The following DSCAM variants were observed in gnomAD, a reference collection of about 807,000 sequenced individuals.
The protein encoded by DSCAM is DS cell adhesion molecule, also known as cell adhesion molecule DSCAM.
In DSCAM, 47 loss-of-function variants were observed where a neutral mutation model predicts 217.7. The ratio of observed to expected loss-of-function variants is 0.22; its 90% CI spans 0.17 to 0.28. DSCAM has a LOEUF of 0.28. DSCAM is among the 10% of genes least tolerant of loss of function. DSCAM has a pLI of 1.00. For synonymous variants in DSCAM, 1,056 were observed against 1,015.3 expected (o/e 1.04, Z -0.76); for missense variants, 2,080 against 2,618.3 (o/e 0.79, Z 4.49).
intron 3 of DSCAM, among the ~76,000 whole-genome samples, chr21:40,575,710 T>C (rs8132632): frequency 0.038 from 5,735 of 151,940 alleles, 309 homozygotes; most frequent in African/African-American, 0.12. Context: ...AATAAATAGG[T>C]AGGCAGGCTA....
At chr21:40,780,194 G>A (rs1189068139) in intron 1 of DSCAM, among the ~76,000 whole-genome samples, 1 of 152,048 alleles carries the variant, frequency 6.6e-6, no homozygotes, top group Non-Finnish European at 1.5e-5. Context: ...TTGTGCTGAA[G>A]CACGTGTTCT....
chr21:40,663,545 C>G (rs79430939), intron 3 of DSCAM, among the ~76,000 whole-genome samples: 4,208 of 152,278 alleles, frequency 0.028, 169 homozygotes, highest in African/African-American at 0.088. Context: ...GGAGCCATCC[C>G]TCATGGGCAT....
chr21:40,767,899 C>T (rs973257474), intron 1 of DSCAM, among the ~76,000 whole-genome samples: 36 of 117,642 alleles, frequency 3.1e-4, no homozygotes, highest in African/African-American at 8.5e-4. Context: ...TCTCTCTCTC[C>T]CTGTGTGTGT....
intron 1 of DSCAM, among the ~76,000 whole-genome samples, chr21:40,779,708 C>A (rs977182243): frequency 1.3e-4 from 20 of 151,870 alleles, no homozygotes; most frequent in Non-Finnish European, 2.5e-4. Context: ...GTGAAGGACC[C>A]TTAGCCAGGA....
chr21:40,390,259 C>T (rs2075121949), intron 3 of DSCAM, among the ~76,000 whole-genome samples: 1 of 152,196 alleles, frequency 6.6e-6, no homozygotes, highest in African/African-American at 2.4e-5. Flanking sequence ...GACTCTTCTT[C>T]ACTGCACAGG....
chr21:40,725,979 C>T (rs35558724), intron 1 of DSCAM, among the ~76,000 whole-genome samples: 35,789 of 151,938 alleles, frequency 0.24, 5,664 homozygotes, highest in African/African-American at 0.46. Flanking sequence ...AAAGAACATA[C>T]GATATCCAGA....
chr21:40,027,430 C>T (rs1466226798), intron 32 of DSCAM, among the ~76,000 whole-genome samples: 4 of 151,218 alleles, frequency 2.6e-5, no homozygotes, highest in African/African-American at 4.8e-5. Flanking sequence ...GCCTGCCTTG[C>T]TAGATTGGGG....
At chr21:40,300,050 T>G (rs2837563) in intron 9 of DSCAM, among the ~76,000 whole-genome samples, 1 of 151,496 alleles carries the variant, frequency 6.6e-6, no homozygotes, top group African/African-American at 2.4e-5. Context: ...GCTTGCTTAT[T>G]AAAGAGAGGA....
intron 3 of DSCAM, among the ~76,000 whole-genome samples, chr21:40,488,536 G>A (rs34503918): frequency 5.3e-5 from 8 of 151,994 alleles, no homozygotes; most frequent in Non-Finnish European, 1.0e-4. Flanking sequence ...TGTCTCCGTG[G>A]GCACAGAGTG....
At chr21:40,609,275 C>T (rs1053835920) in intron 3 of DSCAM, among the ~76,000 whole-genome samples, 2 of 151,860 alleles carry the variant, frequency 1.3e-5, no homozygotes, top group African/African-American at 4.9e-5. Context: ...TTTTAAATCA[C>T]GATTTTGCCG....
At chr21:40,514,158 C>G (rs917670233) in intron 3 of DSCAM, among the ~76,000 whole-genome samples, 1 of 152,170 alleles carries the variant, frequency 6.6e-6, no homozygotes, top group Admixed American at 6.5e-5. Flanking sequence ...GAAACAGTGG[C>G]AAGTGCAAAG....
intron 3 of DSCAM, among the ~76,000 whole-genome samples, chr21:40,468,290 C>G (rs1401430650): frequency 6.6e-6 from 1 of 152,130 alleles, no homozygotes; most frequent in Non-Finnish European, 1.5e-5. Context: ...GACCTGTGTC[C>G]TGGGTGCACC....
chr21:40,152,838 C>T (rs769185033), intron 16 of DSCAM, among the ~76,000 whole-genome samples: 47 of 149,438 alleles, frequency 3.1e-4, no homozygotes, highest in South Asian at 8.3e-4. Context: ...GTGCTGAAGA[C>T]CACCAGCCAT....
chr21:40,238,357 T>C (rs2146936870), intron 11 of DSCAM, among the ~76,000 whole-genome samples: 2 of 152,324 alleles, frequency 1.3e-5, no homozygotes, highest in African/African-American at 4.8e-5. Context: ...TGGGCCAGAC[T>C]TTGGCTCATG....
chr21:40,677,267 T>A (rs2090350742), intron 3 of DSCAM, among the ~76,000 whole-genome samples: 1 of 151,710 alleles, frequency 6.6e-6, no homozygotes. Flanking sequence ...AAATAAGAGA[T>A]CAGAGAAAAG....
intron 3 of DSCAM, among the ~76,000 whole-genome samples, chr21:40,420,226 T>G (rs886985338): frequency 6.6e-6 from 1 of 152,032 alleles, no homozygotes; most frequent in African/African-American, 2.4e-5. Flanking sequence ...ATGCCAATTT[T>G]CATTTTTAAA....
chr21:40,485,864 TAC>T lies in DSCAM; in HGVS notation c.509-116621_509-116620del, dbSNP rs374825824. Among the ~76,000 whole-genome samples, 742 of 152,296 alleles carry T rather than the reference TAC, an allele frequency of 4.9e-3. 8 individuals carry two copies. Among genetic ancestry groups the T allele is most frequent in the African/African-American group, 0.017 (700 of 41,576 alleles). The stretch of plus-strand genomic sequence containing the variant: ...CATACACACTGACTTTTCACACATA[TAC>T]ACACAGTCTGAAATTTACCTTTTGA... On this transcript the variant is annotated intron_variant, in intron 3 of 32. Transcript: ENST00000400454.
intron 10 of DSCAM, among the ~76,000 whole-genome samples, chr21:40,279,169 A>G (rs2837551): frequency 0.33 from 50,928 of 152,112 alleles, 8,776 homozygotes; most frequent in South Asian, 0.38. Flanking sequence ...TATCTCTTCA[A>G]TATGTTTTCC....
At chr21:40,519,800 G>A (rs2076343760) in intron 3 of DSCAM, among the ~76,000 whole-genome samples, 1 of 151,918 alleles carries the variant, frequency 6.6e-6, no homozygotes, top group Non-Finnish European at 1.5e-5. Flanking sequence ...CTCGACAATT[G>A]TGTGGGCCAA....
Sources: allele counts gnomAD v4.1 joint callset (sites outside exome capture counted in the v4.1 genomes callset), GRCh38; gene constraint gnomAD v4.1.1; transcripts MANE v1.5; gene names NCBI Gene and HGNC (gene_info 2026-07-23, HGNC 2026-07-21).